Variants in AFG2A observed in about 807,000 individuals in gnomAD.
AFG2A encodes the protein AAA ATPase AFG2A, also known as ATPase family gene 2 protein homolog A.
chr4:123,263,816 A>G, the AFG2A span, among the ~76,000 whole-genome samples: 3 of 152,166 alleles, frequency 2.0e-5, no homozygotes, highest in Non-Finnish European at 4.4e-5. Context: ...TCCTTAAAGA[A>G]CTAAAAGTAG....
At chr4:123,213,985 A>G in the AFG2A span, among the ~76,000 whole-genome samples, 1 of 152,176 alleles carries the variant, frequency 6.6e-6, no homozygotes, top group Non-Finnish European at 1.5e-5. Context: ...GTTTAGTCCT[A>G]TTTAGTTTGG....
At chr4:123,097,053 C>T in the AFG2A span, among the ~76,000 whole-genome samples, 1 of 152,044 alleles carries the variant, frequency 6.6e-6, no homozygotes, top group Non-Finnish European at 1.5e-5. Flanking sequence ...GTTGTGCAGC[C>T]TTAAACCTTT....
At chr4:123,311,859 G>C in the AFG2A span, among the ~76,000 whole-genome samples, 1 of 152,170 alleles carries the variant, frequency 6.6e-6, no homozygotes, top group Non-Finnish European at 1.5e-5. Context: ...TCTTCTGCCA[G>C]TTTGATTACT....
the AFG2A span, among the ~76,000 whole-genome samples, chr4:123,107,005 GGACCAGATGTACTGCACACATCTTC>G: frequency 5.9e-5 from 9 of 152,296 alleles, no homozygotes; most frequent in South Asian, 4.1e-4. Context: ...GGCTGTGGCT[GGACCAGATGTACTGCACACATCTTC>G]CACTCTGTGC....
At chr4:123,227,442 G>T in the AFG2A span, among the ~76,000 whole-genome samples, 4 of 151,962 alleles carry the variant, frequency 2.6e-5, no homozygotes, top group African/African-American at 9.7e-5. Flanking sequence ...AAGAACATCT[G>T]TATTTCTGCC....
chr4:123,125,436 A>T, the AFG2A span, among the ~76,000 whole-genome samples: 1 of 152,142 alleles, frequency 6.6e-6, no homozygotes, highest in Non-Finnish European at 1.5e-5. Context: ...AGAGAAGGAC[A>T]TTTTTTGCCT....
At chr4:123,163,029 G>A in the AFG2A span, among the ~76,000 whole-genome samples, 4 of 152,216 alleles carry the variant, frequency 2.6e-5, no homozygotes, top group African/African-American at 7.2e-5. Context: ...TGGAAACAAT[G>A]TGGACTTTGG....
chr4:123,151,475 A>G, the AFG2A span, among the ~76,000 whole-genome samples: 1 of 152,244 alleles, frequency 6.6e-6, no homozygotes, highest in Non-Finnish European at 1.5e-5. Flanking sequence ...GGCGAAGGAT[A>G]TCAACAGACA....
At chr4:123,018,194 G>C in the AFG2A span, among the ~76,000 whole-genome samples, 1 of 152,138 alleles carries the variant, frequency 6.6e-6, no homozygotes, top group Admixed American at 6.5e-5. Flanking sequence ...TTATCTCACT[G>C]CTCTGTGCTT....
chr4:123,123,856 G>A, the AFG2A span, among the ~76,000 whole-genome samples: 1 of 149,138 alleles, frequency 6.7e-6, no homozygotes, highest in Admixed American at 6.8e-5. Context: ...GGAGGCTGAG[G>A]CAGGAGAATG....
At chr4:123,181,814 G>A in the AFG2A span, among the ~76,000 whole-genome samples, 1 of 152,098 alleles carries the variant, frequency 6.6e-6, no homozygotes, top group Non-Finnish European at 1.5e-5. Context: ...TAATCTAGTA[G>A]TCACTTCATA....
At chr4:123,176,494 A>G in the AFG2A span, among the ~76,000 whole-genome samples, 3 of 152,208 alleles carry the variant, frequency 2.0e-5, no homozygotes, top group Non-Finnish European at 4.4e-5. Context: ...ACATAATATT[A>G]TTTATATAAA....
At chr4:123,210,119 A>G in the AFG2A span, among the ~76,000 whole-genome samples, 1 of 152,226 alleles carries the variant, frequency 6.6e-6, no homozygotes, top group African/African-American at 2.4e-5. Context: ...AAAATTGTAT[A>G]TATTTATGGT....
At chr4:122,937,074 TG>T in the AFG2A span, among the ~76,000 whole-genome samples, 1 of 152,104 alleles carries the variant, frequency 6.6e-6, no homozygotes, top group Non-Finnish European at 1.5e-5. Flanking sequence ...ATCACTGAGC[TG>T]GGAGATCAAG....
At chr4:123,007,731 ACT>A in the AFG2A span, among the ~76,000 whole-genome samples, 1 of 149,994 alleles carries the variant, frequency 6.7e-6, no homozygotes, top group South Asian at 2.1e-4. Context: ...TATCTCCAGT[ACT>A]CTACCCTGCA....
the AFG2A span, among the ~76,000 whole-genome samples, chr4:123,080,202 C>T: frequency 1.3e-5 from 2 of 152,166 alleles, no homozygotes; most frequent in East Asian, 1.9e-4. Context: ...TAGATGAAGT[C>T]GTAAGGTTAG....
At chr4:122,945,427 T>C in the AFG2A span, among the ~76,000 whole-genome samples, 3 of 152,194 alleles carry the variant, frequency 2.0e-5, no homozygotes, top group African/African-American at 7.2e-5. Flanking sequence ...CGAGACTCCG[T>C]GGGCGTAGGA....
At chr4:123,144,399 A>G in the AFG2A span, among the ~76,000 whole-genome samples, 134 of 152,178 alleles carry the variant, frequency 8.8e-4, no homozygotes, top group Middle Eastern at 3.4e-3. Flanking sequence ...TAATATAGTA[A>G]TGCTAACTGG....
At chr4:123,285,993 G>A in the AFG2A span, among the ~76,000 whole-genome samples, 1 of 152,094 alleles carries the variant, frequency 6.6e-6, no homozygotes, top group Non-Finnish European at 1.5e-5. Context: ...GCAGCATTTT[G>A]TTTCTCATAT....
Sources: allele counts gnomAD v4.1 joint callset (sites outside exome capture counted in the v4.1 genomes callset), GRCh38; gene constraint gnomAD v4.1.1; transcripts MANE v1.5; gene names NCBI Gene and HGNC (gene_info 2026-07-23, HGNC 2026-07-21).